The following ZNF736 variants were observed in gnomAD, a reference collection of about 807,000 sequenced individuals.
ZNF736 encodes the protein KRAB-containing zinc-finger repressor protein.
In ZNF736, 6 loss-of-function variants were observed where a neutral mutation model predicts 11.7. That is an observed-to-expected ratio of 0.51 (90% CI 0.28 to 1.01). The LOEUF (loss-of-function observed/expected upper bound fraction) is 1.01. ZNF736 is among the 50% of genes least tolerant of loss of function. The probability of loss-of-function intolerance (pLI) is 0.09; values close to 1 mark genes in which losing one functional copy is unlikely to be tolerated. For missense variants in ZNF736, 444 were observed against 496.0 expected, an observed-to-expected ratio of 0.90 and a Z score of 1.00; for synonymous variants, 139 against 164.7, an observed-to-expected ratio of 0.84 and a Z score of 1.19.
At chr7:64,329,023 T>A (rs984961972) in intron 1 of ZNF736, among the ~76,000 whole-genome samples, 19 of 152,046 alleles carry the variant, frequency 1.2e-4, no homozygotes, top group African/African-American at 4.1e-4. Flanking sequence ...CACTAATTCT[T>A]ATGCTTGATC....
At chr7:64,315,142 G>A (rs1051060077) in intron 1 of ZNF736, among the ~76,000 whole-genome samples, 1 of 152,106 alleles carries the variant, frequency 6.6e-6, no homozygotes, top group Admixed American at 6.5e-5. Context: ...AAGCTTTCTG[G>A]GTGGGGCCTC....
chr7:64,314,202 A>C (rs1788878596), intron 1 of ZNF736, 49 bp downstream of exon 1: 2 of 1,548,804 alleles, frequency 1.3e-6, no homozygotes, highest in African/African-American at 2.7e-5. Flanking sequence ...GGCTGTTTGA[A>C]TCCGGCCGGA....
rs1485659766 is a variant in ZNF736, at chr7:64,356,096, T to A, written c.*6949T>A. ...AAAGTAATATAAATAATAGGTTTGT[T>A]CTGTATATTTTAATGATCTTTCACA... is the stretch of plus-strand genomic sequence containing the variant. On this transcript the variant is annotated 3_prime_UTR_variant, in exon 4 of 4. Transcript: ENST00000423484. 1.3e-5 allele frequency: 2 copies of A among 153,298 alleles called. No homozygotes were observed. Among genetic ancestry groups the A allele is most frequent in the African/African-American group, 4.8e-5 (2 of 41,460 alleles). 9.5% of individuals were successfully genotyped at this position (153,298 alleles called of 1,614,324 possible).
intron 1 of ZNF736, among the ~76,000 whole-genome samples, chr7:64,321,343 T>A (rs1454602149): frequency 6.6e-6 from 1 of 152,148 alleles, no homozygotes; most frequent in Non-Finnish European, 1.5e-5. Context: ...GAGAATTCAC[T>A]CCCATGCACC....
At chr7:64,335,239 C>T (rs1037399725) in intron 1 of ZNF736, among the ~76,000 whole-genome samples, 7 of 151,826 alleles carry the variant, frequency 4.6e-5, no homozygotes, top group East Asian at 1.9e-4. Flanking sequence ...CAGCAATCCA[C>T]CATGACACAT....
At chr7:64,337,760 T>TGG (rs1554304624) in intron 3 of ZNF736, among the ~76,000 whole-genome samples, 1 of 126,294 alleles carries the variant, frequency 7.9e-6, no homozygotes, top group Non-Finnish European at 1.7e-5. Context: ...TTTTTGGTTT[T>TGG]TTTTTTTTTT....
At chr7:64,334,057 T>G (rs1789212344) in intron 1 of ZNF736, among the ~76,000 whole-genome samples, 1 of 152,212 alleles carries the variant, frequency 6.6e-6, no homozygotes. Flanking sequence ...GATTCCCTAT[T>G]TAATAAATGG....
At chr7:64,320,670 G>A (rs976196185) in intron 1 of ZNF736, among the ~76,000 whole-genome samples, 1 of 152,098 alleles carries the variant, frequency 6.6e-6, no homozygotes, top group African/African-American at 2.4e-5. Flanking sequence ...AAATCCTGCA[G>A]CAATCAAACA....
At chr7:64,333,942 C>T (rs903633782) in intron 1 of ZNF736, among the ~76,000 whole-genome samples, 2 of 151,996 alleles carry the variant, frequency 1.3e-5, no homozygotes, top group African/African-American at 2.4e-5. Context: ...GTACCAAAAC[C>T]GGTATATAGA....
At chr7:64,343,953 CTTT>C (rs142010013) in intron 3 of ZNF736, among the ~76,000 whole-genome samples, 4 of 148,034 alleles carry the variant, frequency 2.7e-5, no homozygotes, top group African/African-American at 5.0e-5. Context: ...TGTATATTTG[CTTT>C]TTTTTTTTTT....
At chr7:64,319,319 G>A (rs528153818) in intron 1 of ZNF736, among the ~76,000 whole-genome samples, 1,081 of 90,366 alleles carry the variant, frequency 0.012, 96 homozygotes, top group African/African-American at 0.053. Flanking sequence ...ATATGTATGT[G>A]TGTGTGTGTA....
chr7:64,325,986 A>C (rs375152044), intron 1 of ZNF736, among the ~76,000 whole-genome samples: 9 of 152,338 alleles, frequency 5.9e-5, no homozygotes, highest in African/African-American at 1.7e-4. Flanking sequence ...GATGAACTAT[A>C]TATGACAAAT....
chr7:64,319,146 G>A (rs572685082), intron 1 of ZNF736, among the ~76,000 whole-genome samples: 9 of 151,502 alleles, frequency 5.9e-5, no homozygotes, highest in African/African-American at 1.2e-4. Flanking sequence ...AAATCATGTC[G>A]GCAAGAGAAG....
At position 64,349,254 on chromosome 7, in the gene ZNF736, T is replaced by A. The variant is rs1789454839; in HGVS notation, c.*107T>A. On this transcript the variant is annotated 3_prime_UTR_variant, in exon 4 of 4. Transcript: ENST00000423484. Reference sequence around the variant, plus strand: ...AATGACAGTGGAAGAACATTTATCATCTTAGAGGGTCTCTAAGAACTTACT... The same window carrying A: ...AATGACAGTGGAAGAACATTTATCAACTTAGAGGGTCTCTAAGAACTTACT... 1 of 1,020,620 alleles carries A rather than the reference T, an allele frequency of 9.8e-7. No individual in the cohort carries two copies. Among genetic ancestry groups the A allele is most frequent in the Middle Eastern group, 2.7e-4 (1 of 3,728 alleles). 63.2% of individuals were successfully genotyped at this position (1,020,620 alleles called of 1,614,324 possible). A position where few individuals can be genotyped will look rare whatever the true frequency, so the allele number is the denominator to read the frequency against.
rs902455737 is a variant in ZNF736 at position 64,314,068 on chromosome 7, T to C, written c.-83T>C. 1.3e-6 allele frequency: 2 copies of C among 1,540,182 alleles called. No individual in the cohort carries two copies. Among genetic ancestry groups the C allele is most frequent in the African/African-American group, 1.4e-5 (1 of 72,826 alleles). ...TCCGTTCCTGGAGTTCCTCGGTGAC[T>C]CTACTATAGCTTCTGTTATCCTGTG... On this transcript the variant is annotated 5_prime_UTR_variant, in exon 1 of 4. Transcript: ENST00000423484.
chr7:64,324,186 A>G (rs1366875434), intron 1 of ZNF736, among the ~76,000 whole-genome samples: 1 of 152,138 alleles, frequency 6.6e-6, no homozygotes, highest in Non-Finnish European at 1.5e-5. Context: ...TGCTCATGCT[A>G]TAATAACTTC....
Position 64,354,302 on chromosome 7 carries a change from T to C in ZNF736, c.*5155T>C, listed in dbSNP as rs185015450. ...TTACATGGATTTAAATATATAGATA[T>C]ATCACTGTAAAATAAACTTCAGGTG... On this transcript the variant is annotated 3_prime_UTR_variant, in exon 4 of 4. Transcript: ENST00000423484. 12 of 152,298 alleles carry C rather than the reference T, an allele frequency of 7.9e-5. No homozygotes were observed. The highest frequency in any genetic ancestry group is 2.9e-4 in the African/African-American group (12 of 41,574). The allele number at this position is 152,298 out of a possible 1,614,324, so 9.4% of individuals were successfully genotyped here.
intron 3 of ZNF736, among the ~76,000 whole-genome samples, chr7:64,345,732 T>TAAAA (rs60388880): frequency 0.6 from 49,663 of 82,532 alleles, 15,732 homozygotes; most frequent in Non-Finnish European, 0.65. Flanking sequence ...TACTCCATCT[T>TAAAA]AAAAAAAAAA....
chr7:64,333,855 A>G (rs1789207785), intron 1 of ZNF736, among the ~76,000 whole-genome samples: 1 of 152,244 alleles, frequency 6.6e-6, no homozygotes, highest in Non-Finnish European at 1.5e-5. Context: ...AAGCAAAAAG[A>G]GCAAAGCTGG....
Sources: allele counts gnomAD v4.1 joint callset (sites outside exome capture counted in the v4.1 genomes callset), GRCh38; gene constraint gnomAD v4.1.1; transcripts MANE v1.5; gene names NCBI Gene and HGNC (gene_info 2026-07-23, HGNC 2026-07-21).